The following ASB15 variants were observed in gnomAD, a reference collection of about 807,000 sequenced individuals.
ASB15 encodes the protein ankyrin repeat and SOCS box protein 15.
In ASB15, 54 loss-of-function variants were observed where a neutral mutation model predicts 58.0. The observed-to-expected ratio is 0.93, with a 90% CI of 0.75 to 1.17. ASB15 has a LOEUF of 1.17. ASB15 is among the 50% of genes most tolerant of loss of function. The pLI, the probability that ASB15 is intolerant of heterozygous loss-of-function variation, is 0.00. For missense variants in ASB15, 680 were observed against 707.4 expected (o/e 0.96, Z 0.44); for synonymous variants, 249 against 262.4 (o/e 0.95, Z 0.50).
intron 1 of ASB15, among the ~76,000 whole-genome samples, chr7:123,573,256 T>G (rs1450445378): frequency 3.4e-5 from 5 of 148,478 alleles, no homozygotes; most frequent in Non-Finnish European, 7.5e-5. Flanking sequence ...CCCCCCCGCC[T>G]CCCCATAACC....
chr7:123,595,851 A>T (rs906315642), intron 1 of ASB15, among the ~76,000 whole-genome samples: 1 of 152,180 alleles, frequency 6.6e-6, no homozygotes, highest in African/African-American at 2.4e-5. Flanking sequence ...TATCTTCAAG[A>T]CTGGAAAATT....
chr7:123,618,698 A>G (rs542408340), intron 7 of ASB15, among the ~76,000 whole-genome samples: 3 of 152,268 alleles, frequency 2.0e-5, no homozygotes, highest in Admixed American at 6.5e-5. Context: ...GTTAAAGGTC[A>G]TAACTAGTTA....
chr7:123,593,984 A>C (rs1251653200), intron 1 of ASB15, among the ~76,000 whole-genome samples: 1 of 149,988 alleles, frequency 6.7e-6, no homozygotes, highest in Non-Finnish European at 1.5e-5. Flanking sequence ...ATTTCTTTTC[A>C]CTCTTTTTTC....
intron 1 of ASB15, among the ~76,000 whole-genome samples, chr7:123,589,321 TATC>T (rs985421243): frequency 1.3e-5 from 2 of 149,306 alleles, no homozygotes; most frequent in Non-Finnish European, 3.0e-5. Flanking sequence ...TTATTATTAT[TATC>T]ATTATTATTA....
chr7:123,587,678 A>G lies in ASB15; in HGVS notation c.-442-16354A>G, dbSNP rs74399352. Among the ~76,000 whole-genome samples, 52 of 151,730 alleles carry G rather than the reference A, an allele frequency of 3.4e-4. 1 individual carries two copies. In the East Asian group the frequency reaches 9.1e-3, roughly 27 times the overall value. On this transcript the variant is annotated intron_variant, in intron 1 of 13. Transcript: ENST00000451558. ...CTGTATGTTCACTGTAAGCTTGCCAAATATGACCTTTATTGTGTTGAGGTA... is the reference window on the plus strand; with the variant it reads ...CTGTATGTTCACTGTAAGCTTGCCAGATATGACCTTTATTGTGTTGAGGTA...
intron 1 of ASB15, among the ~76,000 whole-genome samples, chr7:123,572,131 CTTTTTTTTTTTTTTTTT>C (rs61198371): frequency 2.1e-5 from 1 of 47,978 alleles, no homozygotes; most frequent in African/African-American, 8.8e-5. Context: ...TGTAGAATTT[CTTTTTTTTTTTTTTTTT>C]TTTTTTTTTT....
At chr7:123,607,381 T>G (rs1319706755) in intron 2 of ASB15, among the ~76,000 whole-genome samples, 1 of 152,254 alleles carries the variant, frequency 6.6e-6, no homozygotes, top group Non-Finnish European at 1.5e-5. Context: ...TTTCCTATTT[T>G]GGGACATTTA....
intron 1 of ASB15, among the ~76,000 whole-genome samples, chr7:123,585,789 C>G (rs1799359669): frequency 6.6e-6 from 1 of 151,650 alleles, no homozygotes. Flanking sequence ...TCTATGAATT[C>G]AACGTTTTTA....
At chr7:123,606,727 T>C (rs1259607096) in intron 2 of ASB15, among the ~76,000 whole-genome samples, 2 of 152,220 alleles carry the variant, frequency 1.3e-5, no homozygotes, top group African/African-American at 2.4e-5. Flanking sequence ...GTACCTGGCT[T>C]GTTTCATTTA....
Position 123,632,080 on chromosome 7 carries a change from AAATAATAAT to A in ASB15, c.1594+1975_1594+1983del, listed in dbSNP as rs373227752. ...GCGACAGAGCGAGACTCCATCTCAA[AAATAATAAT>A]AATAATAATAATAGAAAGAAGAACA... On this transcript the variant is annotated intron_variant, in intron 11 of 11. Coordinates refer to ENST00000451215, the MANE Select transcript of ASB15 (RefSeq NM_001290258.2). Among the ~76,000 whole-genome samples the A allele has an allele frequency of 2.5e-3, 374 of 151,766 alleles. 3 individuals are homozygous for A. The highest frequency in any genetic ancestry group is 8.4e-3 in the African/African-American group (347 of 41,444).
upstream of ASB15, among the ~76,000 whole-genome samples, chr7:123,599,692 T>G (rs932220945): frequency 6.6e-6 from 1 of 152,218 alleles, no homozygotes; most frequent in African/African-American, 2.4e-5. Flanking sequence ...TCAACTATTT[T>G]AACCTAAGAC....
At chr7:123,569,169 C>T (rs984600063) in intron 1 of ASB15, among the ~76,000 whole-genome samples, 8 of 152,178 alleles carry the variant, frequency 5.3e-5, no homozygotes, top group African/African-American at 1.9e-4. Flanking sequence ...CGTTCTCAAC[C>T]ATTAAGGAGT....
At chr7:123,629,915 T>C (rs1436103289) in intron 10 of ASB15, 51 bp from the exon 11 acceptor site, 29 of 1,206,814 alleles carry the variant, frequency 2.4e-5, no homozygotes, top group Non-Finnish European at 3.2e-5. Context: ...TGAGTGTTTA[T>C]GTATATGATA....
intron 3 of ASB15, chr7:123,612,443 T>C (rs1025640677): frequency 6.6e-6 from 1 of 152,100 alleles, no homozygotes; most frequent in Non-Finnish European, 1.5e-5. Context: ...TGAATGAGTA[T>C]AAACCCAGAC....
chr7:123,617,248 C>T (rs1387136490), intron 6 of ASB15, among the ~76,000 whole-genome samples: 2 of 151,724 alleles, frequency 1.3e-5, no homozygotes, highest in Non-Finnish European at 2.9e-5. Context: ...GATTTCATTT[C>T]ACAAAAAAAC....
At chr7:123,631,806 C>T (rs1022860285) in intron 11 of ASB15, among the ~76,000 whole-genome samples, 4 of 152,218 alleles carry the variant, frequency 2.6e-5, no homozygotes, top group Non-Finnish European at 5.9e-5. Flanking sequence ...AGAGAGGGCG[C>T]GGTGGCTCAC....
At chr7:123,632,058 A>G (rs754758620) in intron 11 of ASB15, among the ~76,000 whole-genome samples, 92 of 152,264 alleles carry the variant, frequency 6.0e-4, no homozygotes, top group Non-Finnish European at 1.2e-3. Context: ...AGCCTGGGCG[A>G]CAGAGCGAGA....
intron 10 of ASB15, 34 bp from the exon 11 acceptor site, chr7:123,629,932 A>G (rs748040678): frequency 1.4e-5 from 20 of 1,473,960 alleles, no homozygotes; most frequent in Admixed American, 1.1e-4. Context: ...GATATTAAAA[A>G]TACTACTAAA....
At chr7:123,570,236 C>T (rs942698294) in intron 1 of ASB15, among the ~76,000 whole-genome samples, 54 of 151,872 alleles carry the variant, frequency 3.6e-4, no homozygotes, top group Non-Finnish European at 4.9e-4. Flanking sequence ...CGGGGTTTCA[C>T]CATGTTAGCC....
Sources: allele counts gnomAD v4.1 joint callset (sites outside exome capture counted in the v4.1 genomes callset), GRCh38; gene constraint gnomAD v4.1.1; transcripts MANE v1.5; gene names NCBI Gene and HGNC (gene_info 2026-07-23, HGNC 2026-07-21).